UQCC6: variants seen among roughly 807,000 people sequenced by gnomAD.
UQCC6 encodes protein BRAWNIN.
the UQCC6 span, chr12:103,951,370 C>G: frequency 2.0e-6 from 1 of 499,494 alleles, no homozygotes; most frequent in Non-Finnish European, 3.6e-6. Flanking sequence ...TCAATCAAAC[C>G]GTAATTAAAT....
At chr12:103,955,418 C>T in the UQCC6 span, among the ~76,000 whole-genome samples, 1 of 152,190 alleles carries the variant, frequency 6.6e-6, no homozygotes, top group Non-Finnish European at 1.5e-5. Context: ...GGGAGGACTA[C>T]TTGAAGCCAG....
chr12:103,954,675 G>C, the UQCC6 span: 1 of 422,766 alleles, frequency 2.4e-6, no homozygotes, highest in East Asian at 3.9e-5. Context: ...ACCCGTATCA[G>C]TGGACATTCA....
At chr12:103,959,814 T>C in the UQCC6 span, among the ~76,000 whole-genome samples, 11 of 145,038 alleles carry the variant, frequency 7.6e-5, no homozygotes, top group African/African-American at 2.8e-4. Flanking sequence ...TTTTTTTTTT[T>C]TTTTTTTTGA....
the UQCC6 span, among the ~76,000 whole-genome samples, chr12:103,961,266 C>T: frequency 6.6e-6 from 1 of 151,800 alleles, no homozygotes; most frequent in Non-Finnish European, 1.5e-5. Flanking sequence ...GTGTTTTAAG[C>T]TAAGTGTTAT....
At chr12:103,961,837 G>A in the UQCC6 span, among the ~76,000 whole-genome samples, 1 of 152,186 alleles carries the variant, frequency 6.6e-6, no homozygotes, top group Non-Finnish European at 1.5e-5. Flanking sequence ...TGGGATTACA[G>A]GCGTGAGCCA....
chr12:103,960,698 T>G, the UQCC6 span, among the ~76,000 whole-genome samples: 1 of 152,138 alleles, frequency 6.6e-6, no homozygotes, highest in East Asian at 1.9e-4. Context: ...TTTCAGTCAA[T>G]GGACCACATA....
At chr12:103,958,955 T>C in the UQCC6 span, among the ~76,000 whole-genome samples, 3 of 152,240 alleles carry the variant, frequency 2.0e-5, no homozygotes, top group Admixed American at 2.0e-4. Flanking sequence ...CCTGCTTTGC[T>C]GAGACCAGAT....
At chr12:103,956,737 A>G in the UQCC6 span, 1 of 1,550,178 alleles carries the variant, frequency 6.5e-7, no homozygotes, top group Non-Finnish European at 8.7e-7. Context: ...GCCCGCGGGC[A>G]TGGTCGGCAG....
At chr12:103,961,043 C>G in the UQCC6 span, among the ~76,000 whole-genome samples, 1 of 152,084 alleles carries the variant, frequency 6.6e-6, no homozygotes, top group Non-Finnish European at 1.5e-5. Flanking sequence ...GAGATGACGA[C>G]TCCCTGTGGG....
the UQCC6 span, among the ~76,000 whole-genome samples, chr12:103,963,893 G>GT: frequency 1.3e-3 from 190 of 144,336 alleles, no homozygotes; most frequent in Middle Eastern, 3.7e-3. Context: ...AAGACAAATT[G>GT]TTTTTTTTTT....
the UQCC6 span, among the ~76,000 whole-genome samples, chr12:103,958,164 T>G: frequency 6.7e-6 from 1 of 148,536 alleles, no homozygotes; most frequent in Non-Finnish European, 1.5e-5. Flanking sequence ...TGCAGTGAGC[T>G]GAGATCGCGC....
chr12:103,950,954 G>A, the UQCC6 span: 1 of 152,190 alleles, frequency 6.6e-6, no homozygotes, highest in South Asian at 2.1e-4. Flanking sequence ...ACGACGGTCT[G>A]TCCTCCCCTT....
the UQCC6 span, among the ~76,000 whole-genome samples, chr12:103,963,247 T>C: frequency 5.3e-5 from 8 of 152,190 alleles, no homozygotes; most frequent in Non-Finnish European, 1.0e-4. Flanking sequence ...CTAATTTTTG[T>C]AGTTTTTTAG....
At chr12:103,956,625 A>T in the UQCC6 span, 2 of 1,536,070 alleles carry the variant, frequency 1.3e-6, no homozygotes, top group African/African-American at 2.7e-5. Flanking sequence ...GCCCTCCCGC[A>T]CTCACCAGGT....
At chr12:103,964,319 T>C in the UQCC6 span, among the ~76,000 whole-genome samples, 4 of 152,080 alleles carry the variant, frequency 2.6e-5, no homozygotes, top group Admixed American at 2.6e-4. Flanking sequence ...GGTTTCGACA[T>C]GTTGGCCAGG....
the UQCC6 span, chr12:103,951,566 C>G: frequency 6.5e-7 from 1 of 1,549,320 alleles, no homozygotes; most frequent in Non-Finnish European, 8.7e-7. Context: ...TTTGTGTTTT[C>G]TTTCTTTCAG....
chr12:103,957,196 G>C, the UQCC6 span: 2,519 of 153,482 alleles, frequency 0.016, 251 homozygotes, highest in East Asian at 0.29. Flanking sequence ...CGGACGGCGA[G>C]CAGGCCGGAC....
the UQCC6 span, chr12:103,951,515 T>C: frequency 2.8e-6 from 4 of 1,411,304 alleles, no homozygotes; most frequent in Non-Finnish European, 2.9e-6. Context: ...ACAGAATTCT[T>C]GGCATAGTTA....
At chr12:103,954,430 C>G in the UQCC6 span, among the ~76,000 whole-genome samples, 10 of 152,288 alleles carry the variant, frequency 6.6e-5, no homozygotes, top group East Asian at 1.9e-3. Flanking sequence ...TGGCAGAAGG[C>G]AAAGTGGGAG....
Sources: gnomAD v4.1 joint callset for allele counts (sites outside exome capture counted in the v4.1 genomes callset) on GRCh38, gnomAD v4.1.1 for gene constraint, MANE v1.5 for transcripts, NCBI Gene and HGNC (gene_info 2026-07-23, HGNC 2026-07-21) for gene names.